The following CDH6 variants were observed in gnomAD, a reference collection of about 807,000 sequenced individuals.
The protein encoded by CDH6 is cadherin 6.
Under a neutral mutation model 78.0 loss-of-function variants are expected in CDH6, and 31 were observed. That is an observed-to-expected ratio of 0.40 (90% confidence interval 0.30 to 0.54). The LOEUF is 0.54. Ranked by LOEUF, CDH6 falls within the 20% of genes least tolerant of loss-of-function variation. The probability of loss-of-function intolerance (pLI) is 0.56; values close to 1 mark genes in which losing one functional copy is unlikely to be tolerated. For synonymous variants in CDH6, 376 were observed against 368.8 expected (o/e 1.02, Z -0.23); for missense variants, 724 against 975.9 (o/e 0.74, Z 3.44).
rs527474343 is a variant in CDH6 at position 31,325,414 on chromosome 5, T to C, written c.*2106T>C. On this transcript the variant is annotated 3_prime_UTR_variant, in exon 12 of 12. Coordinates refer to ENST00000265071, the MANE Select transcript of CDH6 (RefSeq NM_004932.4). ...TCTAATGAATTGATATGTATCATAG[T>C]CACAGGTAAGTGTTGAAAAAAGCTT... The C allele has an allele frequency of 4.8e-5, 11 of 231,470 alleles. No individual in the cohort carries two copies. The highest frequency in any genetic ancestry group is 7.7e-5 in the Non-Finnish European group (9 of 117,162). 14.3% of individuals were successfully genotyped at this position (231,470 alleles called of 1,614,324 possible). A position where few individuals can be genotyped will look rare whatever the true frequency, so the allele number is the denominator to read the frequency against.
chr5:31,234,218 A>G (rs1741392650), intron 1 of CDH6, among the ~76,000 whole-genome samples: 2 of 152,216 alleles, frequency 1.3e-5, no homozygotes, highest in Admixed American at 1.3e-4. Context: ...TGTAACAAGA[A>G]CTGATGATAA....
At chr5:31,310,952 C>T (rs537559428) in intron 7 of CDH6, among the ~76,000 whole-genome samples, 2 of 152,312 alleles carry the variant, frequency 1.3e-5, no homozygotes, top group African/African-American at 2.4e-5. Context: ...TCAAGGTCCC[C>T]GAAATGCCCT....
intron 1 of CDH6, among the ~76,000 whole-genome samples, chr5:31,265,777 T>G (rs1561049266): frequency 1.5e-5 from 2 of 134,378 alleles, no homozygotes; most frequent in African/African-American, 5.7e-5. Context: ...ATGTTTTTTT[T>G]TTTTTTTTTT....
intron 2 of CDH6, among the ~76,000 whole-genome samples, chr5:31,274,031 C>T (rs1470585369): frequency 6.6e-6 from 1 of 152,140 alleles, no homozygotes; most frequent in Non-Finnish European, 1.5e-5. Context: ...CATCTCTCGT[C>T]TTCATCATTT....
intron 3 of CDH6, 148 bp from the exon 4 acceptor site, chr5:31,297,141 A>G (rs932393418): frequency 1.9e-5 from 13 of 685,768 alleles, no homozygotes; most frequent in African/African-American, 1.8e-4. Flanking sequence ...AAAGAATCCA[A>G]TCCTTTTTCA....
At position 31,299,597 on chromosome 5, in the gene CDH6, T is replaced by G. The variant is rs1469337017; in HGVS notation, c.777T>G (p.Thr259=). The G allele has an allele frequency of 6.2e-7, 1 of 1,613,868 alleles. No homozygotes were observed. The highest frequency in any genetic ancestry group is 2.2e-5 in the East Asian group (1 of 44,864). Residue 259 remains threonine, a synonymous_variant, in exon 5 of 12, where the codon ACT becomes ACG. Transcript: ENST00000265071. The part of the protein sequence containing the change: ...SGTTTVNITL[T]DVNDNPPRFP... ...CCACCACCGTGAACATCACACTGACTGATGTCAACGACAACCCTCCCCGAT... is the reference window on the plus strand; with the variant it reads ...CCACCACCGTGAACATCACACTGACGGATGTCAACGACAACCCTCCCCGAT...
chr5:31,297,911 T>C (rs1737656776), intron 4 of CDH6, among the ~76,000 whole-genome samples: 1 of 152,152 alleles, frequency 6.6e-6, no homozygotes, highest in Non-Finnish European at 1.5e-5. Flanking sequence ...TGGAAACCAA[T>C]GTTGAGATGT....
chr5:31,325,569 C>T lies in CDH6; in HGVS notation c.*2261C>T, dbSNP rs2149963469. On this transcript the variant is annotated 3_prime_UTR_variant, in exon 12 of 12. Transcript: ENST00000265071. ...ACAAATTGAATCAAGGAAGATAGTC[C>T]TGTAAAAAGAAAGGTATCATCTGAA... 1 of 230,762 alleles carries T rather than the reference C, an allele frequency of 4.3e-6. No individual in the cohort carries two copies. Among genetic ancestry groups the T allele is most frequent in the East Asian group, 6.2e-5 (1 of 16,190 alleles). The allele number at this position is 230,762 out of a possible 1,614,324, so 14.3% of individuals were successfully genotyped here.
chr5:31,217,480 C>T (rs766628857), intron 1 of CDH6, among the ~76,000 whole-genome samples: 13 of 152,128 alleles, frequency 8.5e-5, no homozygotes, highest in Non-Finnish European at 1.3e-4. Flanking sequence ...AGTGTGAAAA[C>T]CTGGACCTAT....
At position 31,328,543 on chromosome 5, in the gene CDH6, G is replaced by A. The variant is rs934373016; in HGVS notation, c.*5235G>A. 1.4e-5 allele frequency: 3 copies of A among 207,622 alleles called. No individual in the cohort carries two copies. The highest frequency in any genetic ancestry group is 1.9e-4 in the South Asian group (1 of 5,312). 12.9% of individuals were successfully genotyped at this position (207,622 alleles called of 1,614,324 possible). Reference sequence around the variant, plus strand: ...TTTGAGATTATTTTCATTGCTTTGAGAGTGAACTGCCTAAGAGTAGGCCTT... The same window carrying A: ...TTTGAGATTATTTTCATTGCTTTGAAAGTGAACTGCCTAAGAGTAGGCCTT... On this transcript the variant is annotated 3_prime_UTR_variant, in exon 12 of 12. Transcript: ENST00000265071.
rs780517244 is a variant in CDH6, at chr5:31,323,259, A to G, written c.2324A>G (p.Lys775Arg). ...DYLSDWGPRF[K>R]KLADMYGGVD... Reference sequence around the variant, plus strand: ...CTTAGTGACTGGGGACCTCGATTCAAAAAGCTTGCAGATATGTATGGAGGA... The same window carrying G: ...CTTAGTGACTGGGGACCTCGATTCAGAAAGCTTGCAGATATGTATGGAGGA... Residue 775 changes from lysine (K) to arginine (R), a missense_variant, in exon 12 of 12, where the codon AAA (lysine) becomes AGA (arginine). Coordinates refer to ENST00000265071, the MANE Select transcript of CDH6 (RefSeq NM_004932.4). 24 of 1,614,026 alleles carry G rather than the reference A, an allele frequency of 1.5e-5. No individual in the cohort carries two copies. In the African/African-American group the frequency reaches 2.8e-4, roughly 19 times the overall value.
intron 11 of CDH6, among the ~76,000 whole-genome samples, chr5:31,321,201 GGGTA>G (rs1476678868): frequency 8.8e-6 from 1 of 114,102 alleles, no homozygotes. Flanking sequence ...ACCTGGTACA[GGGTA>G]GGCACTACAT....
intron 2 of CDH6, among the ~76,000 whole-genome samples, chr5:31,284,351 A>G (rs1742955138): frequency 6.6e-6 from 1 of 152,218 alleles, no homozygotes; most frequent in African/African-American, 2.4e-5. Flanking sequence ...GGAACTTCAC[A>G]TTCCTGGATG....
At chr5:31,259,203 AAATT>A (rs1342207770) in intron 1 of CDH6, among the ~76,000 whole-genome samples, 2 of 152,204 alleles carry the variant, frequency 1.3e-5, no homozygotes, top group East Asian at 3.9e-4. Flanking sequence ...ATATCATCCA[AAATT>A]AATTAAATAT....
chr5:31,221,367 C>T (rs1257221216), intron 1 of CDH6, among the ~76,000 whole-genome samples: 5 of 152,186 alleles, frequency 3.3e-5, no homozygotes, highest in African/African-American at 1.2e-4. Context: ...ACATACATTT[C>T]AGTCATCTGC....
chr5:31,320,064 G>T (rs976385427), intron 11 of CDH6, among the ~76,000 whole-genome samples: 2 of 152,106 alleles, frequency 1.3e-5, no homozygotes, highest in Admixed American at 1.3e-4. Context: ...CTGTCCTCTG[G>T]CTTCAAAAGG....
intron 6 of CDH6, among the ~76,000 whole-genome samples, chr5:31,302,915 G>GAAAGAAAGAAAGAAAGAAAGAA (rs1737847390): frequency 8.9e-6 from 1 of 111,760 alleles, no homozygotes; most frequent in African/African-American, 2.9e-5. Flanking sequence ...AAGAAAGAAA[G>GAAAGAAAGAAAGAAAGAAAGAA]AAAGAAAGAA....
intron 1 of CDH6, among the ~76,000 whole-genome samples, chr5:31,258,074 T>G (rs1742104447): frequency 6.6e-6 from 1 of 152,088 alleles, no homozygotes; most frequent in African/African-American, 2.4e-5. Flanking sequence ...TGGAAGACAA[T>G]GTGGCAATTC....
chr5:31,224,095 A>T (rs1233542079), intron 1 of CDH6, among the ~76,000 whole-genome samples: 1 of 152,230 alleles, frequency 6.6e-6, no homozygotes, highest in Non-Finnish European at 1.5e-5. Flanking sequence ...GAAACTGGGA[A>T]ATTTACAAAA....
Sources: gnomAD v4.1 joint callset for allele counts (sites outside exome capture counted in the v4.1 genomes callset) on GRCh38, gnomAD v4.1.1 for gene constraint, MANE v1.5 for transcripts, NCBI Gene and HGNC (gene_info 2026-07-23, HGNC 2026-07-21) for gene names.